The following ANXA11 variants were observed in gnomAD, a reference collection of about 807,000 sequenced individuals.
ANXA11 encodes the protein annexin A11.
A neutral mutation model predicts 64.7 loss-of-function variants in ANXA11; 57 were observed. That is an observed-to-expected ratio of 0.88 (90% CI 0.71 to 1.10). The LOEUF is 1.10. Among genes scored for constraint, ANXA11 ranks in the 50% least tolerant of loss-of-function variants. ANXA11 has a pLI of 0.00. For synonymous variants in ANXA11, 260 were observed against 265.2 expected, an observed-to-expected ratio of 0.98 and a Z score of 0.19; for missense variants, 675 against 670.7, an observed-to-expected ratio of 1.01 and a Z score of -0.07.
At chr10:80,200,770 C>CCTGT (rs1840384726) in intron 1 of ANXA11, among the ~76,000 whole-genome samples, 1 of 152,174 alleles carries the variant, frequency 6.6e-6, no homozygotes, top group Non-Finnish European at 1.5e-5. Context: ...GTGGTTCACT[C>CCTGT]CTGTAATCCC....
At chr10:80,204,379 C>T (rs1840583024) in intron 1 of ANXA11, among the ~76,000 whole-genome samples, 1 of 152,262 alleles carries the variant, frequency 6.6e-6, no homozygotes, top group Admixed American at 6.5e-5. Flanking sequence ...GAAGGGTGAG[C>T]ATACCAGGCC....
At chr10:80,166,030 G>GCA (rs1210552731) in intron 8 of ANXA11, 54 bp downstream of exon 8, 2 of 1,058,106 alleles carry the variant, frequency 1.9e-6, no homozygotes, top group Non-Finnish European at 2.7e-6. Flanking sequence ...GCGCGCGTGC[G>GCA]CACACACGCG....
intron 1 of ANXA11, among the ~76,000 whole-genome samples, chr10:80,191,104 A>G (rs921084833): frequency 2.0e-5 from 3 of 152,084 alleles, no homozygotes; most frequent in Admixed American, 6.6e-5. Context: ...ATGCACCTGC[A>G]ATCCCAGCTA....
At chr10:80,171,855 A>G in intron 3 of ANXA11, 1 of 985,454 alleles carries the variant, frequency 1.0e-6, no homozygotes, top group Non-Finnish European at 1.2e-6. Context: ...TACTATAGAG[A>G]GAGAACCCAG....
chr10:80,204,289 A>C (rs1840574369), intron 1 of ANXA11, among the ~76,000 whole-genome samples: 1 of 152,236 alleles, frequency 6.6e-6, no homozygotes, highest in South Asian at 2.1e-4. Context: ...TGCCTTGAGG[A>C]AAGGGGCCCT....
rs1439267872 is a variant in ANXA11 at position 80,166,141 on chromosome 10, CAAGATTGTCTTCT to C, written c.788_800del (p.Glu263GlyfsTer3). 1 of 1,612,920 alleles carries C rather than the reference CAAGATTGTCTTCT, an allele frequency of 6.2e-7. No individual in the cohort carries two copies. The highest frequency in any genetic ancestry group is 8.5e-7 in the Non-Finnish European group (1 of 1,179,464). ...AGAGGACTGGGGTCTTCATCAGAGC[CAAGATTGTCTTCT>C]CAAAGTTTCCTGACAGTTCAGATTT... On this transcript the variant is annotated frameshift_variant, in exon 8 of 16. Coordinates refer to ENST00000422982, the MANE Select transcript of ANXA11 (RefSeq NM_145868.2). LOFTEE classifies it high-confidence loss of function.
chr10:80,169,456 T>A, intron 4 of ANXA11, 98 bp from the exon 5 acceptor site: 4 of 1,381,472 alleles, frequency 2.9e-6, no homozygotes, highest in Non-Finnish European at 4.0e-6. Flanking sequence ...CCTCACAGCA[T>A]CTCCGCTTGT....
chr10:80,201,448 A>G (rs1840417851), intron 1 of ANXA11, among the ~76,000 whole-genome samples: 4 of 152,174 alleles, frequency 2.6e-5, no homozygotes. Flanking sequence ...ACGCCTCCTG[A>G]GCCCCAGACC....
At chr10:80,163,226 A>T in intron 11 of ANXA11, 123 bp downstream of exon 11, 1 of 1,103,386 alleles carries the variant, frequency 9.1e-7, no homozygotes, top group African/African-American at 1.5e-5. Flanking sequence ...TCTGAAACTC[A>T]CAGCATCTGC....
At chr10:80,179,080 T>C (rs559004313) in intron 1 of ANXA11, among the ~76,000 whole-genome samples, 71 of 152,324 alleles carry the variant, frequency 4.7e-4, no homozygotes, top group African/African-American at 1.6e-3. Flanking sequence ...ATTCCCAGCA[T>C]TGGAGGTGGG....
rs1845763555 is a variant in ANXA11, at chr10:80,166,915, A to G, written c.719T>C (p.Leu240Pro). The change falls in exon 7 of 16, where the codon CTT (leucine) becomes CCT (proline). Residue 240 changes from leucine (L) to proline (P), a missense_variant. Transcript: ENST00000422982. ...RSNKQRQQIL[L>P]SFKTAYGKDL... ...CTTGCCGTAAGCCGTCTTGAAGGAA[A>G]GTAGGATCTGCTGCCGCTGCTTGTT... is the stretch of plus-strand genomic sequence containing the variant. 2.5e-6 allele frequency: 4 copies of G among 1,608,870 alleles called. No individual in the cohort carries two copies. The highest frequency in any genetic ancestry group is 2.2e-5 in the South Asian group (2 of 90,166).
intron 1 of ANXA11, among the ~76,000 whole-genome samples, chr10:80,177,107 G>A (rs1846198959): frequency 6.6e-6 from 1 of 151,578 alleles, no homozygotes; most frequent in Non-Finnish European, 1.5e-5. Flanking sequence ...AGCCTCCCAA[G>A]TAGCTGGGAC....
Position 80,157,657 on chromosome 10 carries a change from A to C in ANXA11, c.1442T>G (p.Leu481Arg). The C allele has an allele frequency of 6.2e-7, 1 of 1,613,828 alleles. No homozygotes were observed. The highest frequency in any genetic ancestry group is 8.5e-7 in the Non-Finnish European group (1 of 1,179,820). ...SEYKRMYGKSLYHDISGDTSG... is the reference protein window; with the variant it reads ...SEYKRMYGKSRYHDISGDTSG... Reference sequence around the variant, plus strand: ...GGCCCGTACCGAGATGTCGTGGTACAGCGACTTGCCGTACATCCGCTTATA... The same window carrying C: ...GGCCCGTACCGAGATGTCGTGGTACCGCGACTTGCCGTACATCCGCTTATA... Residue 481 changes from leucine (L) to arginine (R), a missense_variant, in exon 15 of 16, where the codon CTG becomes CGG. Leu to Arg is a moderately radical substitution (Grantham distance 102). Coordinates refer to ENST00000422982, the MANE Select transcript of ANXA11 (RefSeq NM_145868.2).
chr10:80,190,206 G>A lies in ANXA11; in HGVS notation c.-57-14051C>T, dbSNP rs9804324. Among the ~76,000 whole-genome samples the A allele has an allele frequency of 1.6e-3, 248 of 152,308 alleles. 1 individual carries two copies. Among genetic ancestry groups the A allele is most frequent in the African/African-American group, 5.6e-3 (232 of 41,574 alleles). ...TGCATCGTAATGACTGTTGCACAACGAAGTGAATGTATTTAACACCACTGA... is the reference window on the plus strand; with the variant it reads ...TGCATCGTAATGACTGTTGCACAACAAAGTGAATGTATTTAACACCACTGA... On this transcript the variant is annotated intron_variant, in intron 1 of 15. Transcript: ENST00000422982.
Position 80,167,303 on chromosome 10 carries a change from C to T in ANXA11, c.572G>A (p.Arg191Gln), listed in dbSNP as rs2229554. The stretch of plus-strand genomic sequence containing the variant: ...GCCGGGAGCATCAGTGATGGTGCCT[C>T]GGCTTCCAAACTACTCGGACAAACA... Reference protein sequence around the residue: ...PAVPPTQFGSRGTITDAPGFD... With the variant: ...PAVPPTQFGSQGTITDAPGFD... The change falls in exon 6 of 16, where the codon CGA (arginine) becomes CAA (glutamine). Residue 191 changes from arginine (R) to glutamine (Q), a missense_variant. Arg to Gln is a conservative substitution (Grantham distance 43, BLOSUM62 1). Transcript: ENST00000422982. The T allele has an allele frequency of 0.058, 94,295 of 1,613,830 alleles. 3,114 individuals carry two copies. The highest frequency in any genetic ancestry group is 0.068 in the Non-Finnish European group (80,212 of 1,179,772).
chr10:80,153,495 CACAGAATATG>C lies in ANXA11; in HGVS notation c.*2348_*2357del, dbSNP rs1434472866. On this transcript the variant is annotated 3_prime_UTR_variant, in exon 16 of 16. Coordinates refer to ENST00000422982, the MANE Select transcript of ANXA11 (RefSeq NM_145868.2). ...TGGAGTAAACAGGGCAAGGTAATGT[CACAGAATATG>C]GTCACATCAGAGCACATTGGTTCTA... 4.6e-5 allele frequency: 7 copies of C among 152,254 alleles called. No individual in the cohort carries two copies. Among genetic ancestry groups the C allele is most frequent in the African/African-American group, 1.4e-4 (6 of 41,462 alleles). The allele number at this position is 152,254 out of a possible 1,614,324, so 9.4% of individuals were successfully genotyped here. A position where few individuals can be genotyped will look rare whatever the true frequency, so the allele number is the denominator to read the frequency against.
chr10:80,163,652 T>C (rs1383736565), intron 9 of ANXA11, 39 bp from the exon 10 acceptor site: 1 of 1,513,596 alleles, frequency 6.6e-7, no homozygotes, highest in East Asian at 2.5e-5. Context: ...CCTGTAGCTC[T>C]CTTTATGGAG....
chr10:80,177,344 C>T (rs1054869310), intron 1 of ANXA11, among the ~76,000 whole-genome samples: 6 of 152,048 alleles, frequency 3.9e-5, no homozygotes, highest in African/African-American at 1.4e-4. Context: ...GAGTGCAGGG[C>T]GGGACCTTCA....
chr10:80,199,005 T>G (rs778303966), intron 1 of ANXA11, among the ~76,000 whole-genome samples: 1 of 152,158 alleles, frequency 6.6e-6, no homozygotes, highest in Non-Finnish European at 1.5e-5. Flanking sequence ...CTGTTATCAT[T>G]GCCTTCTGTC....
Sources: gnomAD v4.1 joint callset for allele counts (sites outside exome capture counted in the v4.1 genomes callset) on GRCh38, gnomAD v4.1.1 for gene constraint, MANE v1.5 for transcripts, NCBI Gene and HGNC (gene_info 2026-07-23, HGNC 2026-07-21) for gene names.